The following SLCO3A1 variants were observed in gnomAD, a reference collection of about 807,000 sequenced individuals.
SLCO3A1 encodes the protein solute carrier organic anion transporter family member 3A1.
SLCO3A1 carries 27 observed loss-of-function variants against 63.1 expected under a neutral mutation model. The observed-to-expected ratio is 0.43, with a 90% CI of 0.32 to 0.59. The LOEUF is 0.59. Ranked by LOEUF, SLCO3A1 falls within the 20% of genes least tolerant of loss-of-function variation. The pLI, the probability that SLCO3A1 is intolerant of heterozygous loss-of-function variation, is 0.09. For missense variants in SLCO3A1, 773 were observed against 945.8 expected (o/e 0.82, Z 2.40); for synonymous variants, 473 against 409.9 (o/e 1.15, Z -1.86).
At chr15:92,127,918 A>C (rs1004410631) in intron 6 of SLCO3A1, among the ~76,000 whole-genome samples, 3 of 152,198 alleles carry the variant, frequency 2.0e-5, no homozygotes, top group African/African-American at 7.2e-5. Flanking sequence ...TGGTGCAGGC[A>C]TAGCAGTGTT....
chr15:92,118,414 A>G (rs999704854), intron 4 of SLCO3A1, among the ~76,000 whole-genome samples: 26 of 152,304 alleles, frequency 1.7e-4, no homozygotes, highest in African/African-American at 6.0e-4. Flanking sequence ...GAACCCTAAG[A>G]TGCTGATCTT....
At chr15:92,053,366 C>T (rs750756427) in intron 2 of SLCO3A1, among the ~76,000 whole-genome samples, 1 of 152,202 alleles carries the variant, frequency 6.6e-6, no homozygotes, top group Non-Finnish European at 1.5e-5. Context: ...ACCCCACATC[C>T]AGTTTCCACC....
intron 2 of SLCO3A1, among the ~76,000 whole-genome samples, chr15:92,047,702 A>G (rs1057054046): frequency 5.1e-5 from 7 of 138,580 alleles, no homozygotes; most frequent in Non-Finnish European, 1.1e-4. Context: ...TTAAAATGGC[A>G]AAACCTGTGT....
At chr15:92,085,169 G>A (rs1366010304) in intron 2 of SLCO3A1, among the ~76,000 whole-genome samples, 5 of 152,174 alleles carry the variant, frequency 3.3e-5, no homozygotes, top group South Asian at 2.1e-4. Context: ...GTACTTGGAC[G>A]CACATCCAGT....
chr15:91,853,805 A>C lies in SLCO3A1; in HGVS notation c.-104A>C. The C allele has an allele frequency of 9.4e-7, 1 of 1,059,398 alleles. No homozygotes were observed. The highest frequency in any genetic ancestry group is 4.4e-5 in the South Asian group (1 of 22,472). 65.6% of individuals were successfully genotyped at this position (1,059,398 alleles called of 1,614,324 possible). ...GCCGCCGCGAACCCGGGGCGGGGAC[A>C]GCACGCAGCCTCGAGGCGCGCACCC... is the stretch of plus-strand genomic sequence containing the variant. On this transcript the variant is annotated 5_prime_UTR_variant, in exon 1 of 10. Coordinates refer to ENST00000318445, the MANE Select transcript of SLCO3A1 (RefSeq NM_013272.4).
chr15:92,047,747 T>G (rs1026634655), intron 2 of SLCO3A1, among the ~76,000 whole-genome samples: 1 of 147,684 alleles, frequency 6.8e-6, no homozygotes, highest in Non-Finnish European at 1.5e-5. Flanking sequence ...TCGTTCATCC[T>G]TTACATCTTT....
At chr15:92,147,480 C>A (rs1277221953) in intron 8 of SLCO3A1, among the ~76,000 whole-genome samples, 2 of 152,160 alleles carry the variant, frequency 1.3e-5, no homozygotes, top group Non-Finnish European at 2.9e-5. Context: ...AAAGTGGCGT[C>A]AGTGCCCAGC....
chr15:91,927,892 T>A (rs72751974), intron 2 of SLCO3A1, among the ~76,000 whole-genome samples: 3 of 152,190 alleles, frequency 2.0e-5, no homozygotes, highest in African/African-American at 7.2e-5. Context: ...TGTCTATTAT[T>A]AGATCTAAAT....
rs545205700 is a variant in SLCO3A1 at position 91,872,535 on chromosome 15, AAAAAAAAAAGAAAAG to A, written c.180+18454_180+18468del. Among the ~76,000 whole-genome samples, 140 of 150,476 alleles carry A rather than the reference AAAAAAAAAAGAAAAG, an allele frequency of 9.3e-4. No homozygotes were observed. Among genetic ancestry groups the A allele is most frequent in the African/African-American group, 3.3e-3 (137 of 41,238 alleles). On this transcript the variant is annotated intron_variant, in intron 1 of 9. Transcript: ENST00000318445. This position sits in a 1 kb window ranked among gnomAD's most constrained non-coding sequence, Gnocchi z 4.1. ...GGCAACAAAATGAGACTCCGTCTCA[AAAAAAAAAAGAAAAG>A]AAAAAAGAAGAAAGAAAGAACGTGC... is the stretch of plus-strand genomic sequence containing the variant.
At chr15:91,985,461 A>AC (rs2046040053) in intron 2 of SLCO3A1, among the ~76,000 whole-genome samples, 1 of 152,180 alleles carries the variant, frequency 6.6e-6, no homozygotes, top group African/African-American at 2.4e-5. Context: ...ACATATGCCC[A>AC]CATTTATGTG....
chr15:91,954,253 G>A lies in SLCO3A1; in HGVS notation c.646+37795G>A, dbSNP rs530978668. On this transcript the variant is annotated intron_variant, in intron 2 of 9. Transcript: ENST00000318445. This position sits in a 1 kb window ranked among gnomAD's most constrained non-coding sequence, Gnocchi z 4.7. ...AATTCCATTGGATTAGAAGCTGTGC[G>A]GGTGCCCCTACGTTCTCACTTGTCT... Among the ~76,000 whole-genome samples, 83 of 152,282 alleles carry A rather than the reference G, an allele frequency of 5.5e-4. 1 individual carries two copies. Among genetic ancestry groups the A allele is most frequent in the South Asian group, 2.1e-3 (10 of 4,822 alleles).
chr15:92,126,208 TG>T lies in SLCO3A1; in HGVS notation c.1325del (p.Gly442AlafsTer101). ...GCTTGCTACGTCTCCTTCCTCTTCC[TG>T]GGCTGCGACACTGGCCCTGTGGCTG... ...STACYVSFLF[L>X]GCDTGPVAGV... On this transcript the variant is annotated frameshift_variant, in exon 6 of 10. Coordinates refer to ENST00000318445, the MANE Select transcript of SLCO3A1 (RefSeq NM_013272.4). LOFTEE classifies it high-confidence loss of function. The T allele has an allele frequency of 6.2e-7, 1 of 1,614,048 alleles. No individual in the cohort carries two copies. The highest frequency in any genetic ancestry group is 8.5e-7 in the Non-Finnish European group (1 of 1,179,996).
chr15:92,093,815 A>G (rs1018987909), intron 2 of SLCO3A1, among the ~76,000 whole-genome samples: 2 of 151,944 alleles, frequency 1.3e-5, no homozygotes, highest in South Asian at 2.1e-4. Context: ...GTCTACGCCT[A>G]TGAACAGACT....
chr15:91,903,115 C>T (rs73530610), intron 1 of SLCO3A1, among the ~76,000 whole-genome samples: 2,513 of 152,246 alleles, frequency 0.017, 73 homozygotes, highest in African/African-American at 0.057. Flanking sequence ...GTGGCTCGCA[C>T]GTAGTCAGCT....
intron 3 of SLCO3A1, 62 bp from the exon 4 acceptor site, chr15:92,104,217 A>C (rs2047639771): frequency 1.3e-6 from 2 of 1,577,230 alleles, no homozygotes. Context: ...TCAGATTCTC[A>C]GCAAAATCCC....
chr15:92,136,512 CTTCTTGTAATTATTTA>C (rs1214285778), intron 7 of SLCO3A1, among the ~76,000 whole-genome samples: 1 of 152,126 alleles, frequency 6.6e-6, no homozygotes, highest in African/African-American at 2.4e-5. Flanking sequence ...GGTCTCTAGC[CTTCTTGTAATTATTTA>C]TTCTCATCAT....
At chr15:91,937,131 G>A (rs182692606) in intron 2 of SLCO3A1, among the ~76,000 whole-genome samples, 3 of 152,226 alleles carry the variant, frequency 2.0e-5, no homozygotes, top group South Asian at 2.1e-4. Context: ...CTAAATAACC[G>A]GCTGTCTTCC....
rs111305961 is a variant in SLCO3A1 at position 92,076,411 on chromosome 15, G to A, written c.647-18470G>A. ...CTGCTGCATGTTCAGTACTTTCCCC[G>A]GATGCAGGACGTAGTTTTGATGTTA... On this transcript the variant is annotated intron_variant, in intron 2 of 9. Coordinates refer to ENST00000318445, the MANE Select transcript of SLCO3A1 (RefSeq NM_013272.4). 2.0e-4 allele frequency among the ~76,000 whole-genome samples: 30 copies of A among 152,238 alleles called. 1 individual carries two copies. The highest frequency in any genetic ancestry group is 6.7e-4 in the African/African-American group (28 of 41,526).
chr15:92,094,707 C>T (rs115389088), intron 2 of SLCO3A1, among the ~76,000 whole-genome samples, 174 bp from the exon 3 acceptor site: 3,294 of 152,230 alleles, frequency 0.022, 110 homozygotes, highest in African/African-American at 0.076. Flanking sequence ...ATATACAGTG[C>T]TTTCATAGAG....
Sources: allele counts gnomAD v4.1 joint callset (sites outside exome capture counted in the v4.1 genomes callset), GRCh38; gene constraint gnomAD v4.1.1; non-coding constraint Gnocchi (gnomAD v3.1); transcripts MANE v1.5; gene names NCBI Gene and HGNC (gene_info 2026-07-23, HGNC 2026-07-21).